DPP10: variants seen among roughly 807,000 people sequenced by gnomAD.
DPP10 encodes dipeptidyl peptidase like 10.
In DPP10, 33 loss-of-function variants were observed where a neutral mutation model predicts 120.9. The observed-to-expected ratio is 0.27, with a 90% CI of 0.21 to 0.37. The LOEUF (loss-of-function observed/expected upper bound fraction) is 0.37, where lower values mean the gene tolerates loss of function less well. Ranked by LOEUF, DPP10 falls within the 10% of genes least tolerant of loss-of-function variation. The probability of loss-of-function intolerance (pLI) is 1.00; values close to 1 mark genes in which losing one functional copy is unlikely to be tolerated. For synonymous variants in DPP10, 337 were observed against 326.1 expected (o/e 1.03, Z -0.36); for missense variants, 816 against 942.8 (o/e 0.87, Z 1.76).
chr2:114,972,650 T>C (rs2104797252), intron 1 of DPP10, among the ~76,000 whole-genome samples: 1 of 152,346 alleles, frequency 6.6e-6, no homozygotes, highest in South Asian at 2.1e-4. Context: ...GAATGGTTAC[T>C]ATCAGCAATT....
chr2:114,929,274 C>T (rs185751159), intron 1 of DPP10, among the ~76,000 whole-genome samples: 152 of 152,204 alleles, frequency 1.0e-3, no homozygotes, highest in East Asian at 8.3e-3. Flanking sequence ...CGTCCTGCTG[C>T]GCACGCATTA....
At chr2:115,510,975 G>C (rs1026685564) in intron 4 of DPP10, among the ~76,000 whole-genome samples, 1 of 152,014 alleles carries the variant, frequency 6.6e-6, no homozygotes, top group Admixed American at 6.6e-5. Flanking sequence ...TGATTTTTGT[G>C]TGTTGAATGC....
At chr2:115,720,028 C>T (rs1275201591) in intron 7 of DPP10, among the ~76,000 whole-genome samples, 2 of 152,086 alleles carry the variant, frequency 1.3e-5, no homozygotes, top group Non-Finnish European at 2.9e-5. Context: ...ATCTATCTAC[C>T]CATATAAGTT....
At chr2:115,610,587 T>A (rs2084030376) in intron 5 of DPP10, among the ~76,000 whole-genome samples, 1 of 152,074 alleles carries the variant, frequency 6.6e-6, no homozygotes, top group African/African-American at 2.4e-5. Flanking sequence ...GAGATCCTAG[T>A]ACTTTTAAAA....
chr2:114,759,086 T>G (rs963967824), intron 1 of DPP10, among the ~76,000 whole-genome samples: 1 of 152,222 alleles, frequency 6.6e-6, no homozygotes, highest in African/African-American at 2.4e-5. Flanking sequence ...TTTGAAGTTA[T>G]TGAAAAGACC....
At chr2:115,184,879 T>C (rs914866422) in intron 1 of DPP10, among the ~76,000 whole-genome samples, 3 of 152,210 alleles carry the variant, frequency 2.0e-5, no homozygotes, top group Non-Finnish European at 2.9e-5. Context: ...GAAACAGTTA[T>C]GAAAAATGAA....
At position 115,356,082 on chromosome 2, in the gene DPP10, C is replaced by T. The variant is rs1013470742; in HGVS notation, c.271+12170C>T. Among the ~76,000 whole-genome samples the T allele has an allele frequency of 3.4e-5, 5 of 148,898 alleles. No individual in the cohort carries two copies. The Admixed American group carries it at 3.4e-4, about 10-fold the overall frequency. Reference sequence around the variant, plus strand: ...ATGAAATTTAAAGTCGTTTTTTCTTCTTCTGTGAAGAAAGTCAATGGTAGT... The same window carrying T: ...ATGAAATTTAAAGTCGTTTTTTCTTTTTCTGTGAAGAAAGTCAATGGTAGT... On this transcript the variant is annotated intron_variant, in intron 3 of 25. Transcript: ENST00000410059.
At chr2:114,462,106 C>G (rs1468537936) in intron 1 of DPP10, 1 of 985,202 alleles carries the variant, frequency 1.0e-6, no homozygotes, top group Non-Finnish European at 1.2e-6. Context: ...GGATATGGAG[C>G]TTTCTTGGAA....
chr2:114,897,131 G>C (rs1484352069), intron 1 of DPP10, among the ~76,000 whole-genome samples: 1 of 152,052 alleles, frequency 6.6e-6, no homozygotes, highest in Admixed American at 6.5e-5. Flanking sequence ...TGCTGAATTC[G>C]GTTTGCCAGT....
chr2:115,400,696 C>T (rs1236886487), intron 3 of DPP10, among the ~76,000 whole-genome samples: 1 of 152,098 alleles, frequency 6.6e-6, no homozygotes, highest in East Asian at 1.9e-4. Context: ...AACAACATTT[C>T]AAGGCACATA....
At position 115,837,663 on chromosome 2, in the gene DPP10, T is replaced by C. The variant is rs183782818; in HGVS notation, c.2182+917T>C. ...ACATCAACAGTGACAAGTCATGTTA[T>C]TACTGTTATTAAATGCCCTTGATAT... is the stretch of plus-strand genomic sequence containing the variant. On this transcript the variant is annotated intron_variant, in intron 24 of 25. Coordinates refer to ENST00000410059, the MANE Select transcript of DPP10 (RefSeq NM_020868.6). Among the ~76,000 whole-genome samples the C allele has an allele frequency of 1.4e-4, 22 of 152,310 alleles. 1 individual carries two copies. The East Asian group carries it at 4.1e-3, about 28-fold the overall frequency.
chr2:115,657,157 T>C (rs1246733077), intron 5 of DPP10, among the ~76,000 whole-genome samples: 1 of 151,670 alleles, frequency 6.6e-6, no homozygotes, highest in Non-Finnish European at 1.5e-5. Flanking sequence ...CATAAACCTC[T>C]TTTATTTGCT....
At chr2:114,891,771 G>A (rs929947472) in intron 1 of DPP10, among the ~76,000 whole-genome samples, 5 of 152,182 alleles carry the variant, frequency 3.3e-5, no homozygotes, top group Non-Finnish European at 5.9e-5. Flanking sequence ...TGATTAAATA[G>A]GCAGTTAATG....
chr2:114,609,844 C>T (rs1693137810), intron 1 of DPP10, among the ~76,000 whole-genome samples: 2 of 152,142 alleles, frequency 1.3e-5, no homozygotes, highest in Admixed American at 1.3e-4. Context: ...TACTGAGTTA[C>T]CAGAGGACAG....
At chr2:115,448,271 G>C (rs1166989331) in intron 3 of DPP10, among the ~76,000 whole-genome samples, 1 of 152,106 alleles carries the variant, frequency 6.6e-6, no homozygotes, top group African/African-American at 2.4e-5. Flanking sequence ...CAGCTAAAAA[G>C]AATTGGGTTC....
At chr2:115,275,236 A>G (rs1350186274) in intron 1 of DPP10, among the ~76,000 whole-genome samples, 8 of 152,218 alleles carry the variant, frequency 5.3e-5, no homozygotes, top group Admixed American at 5.2e-4. Flanking sequence ...GTACTCTTGG[A>G]TAAACCATGC....
chr2:115,734,471 C>G (rs1032040638), intron 8 of DPP10, among the ~76,000 whole-genome samples: 1 of 151,852 alleles, frequency 6.6e-6, no homozygotes. Flanking sequence ...GCCTCGCCAA[C>G]GTGGTAAAAC....
chr2:114,709,765 G>C (rs1053426125), intron 1 of DPP10, among the ~76,000 whole-genome samples: 1 of 152,224 alleles, frequency 6.6e-6, no homozygotes, highest in East Asian at 1.9e-4. Context: ...ATGGGAATAC[G>C]TTCTAATAAG....
chr2:114,891,605 T>C (rs1188622815), intron 1 of DPP10, among the ~76,000 whole-genome samples: 1 of 152,204 alleles, frequency 6.6e-6, no homozygotes, highest in Non-Finnish European at 1.5e-5. Context: ...TCCTCATAAT[T>C]GTGCCCATGC....
Sources: gnomAD v4.1 joint callset for allele counts (sites outside exome capture counted in the v4.1 genomes callset) on GRCh38, gnomAD v4.1.1 for gene constraint, MANE v1.5 for transcripts, NCBI Gene and HGNC (gene_info 2026-07-23, HGNC 2026-07-21) for gene names.